Variants in SIN3A observed in about 807,000 individuals in gnomAD.
SIN3A encodes paired amphipathic helix protein Sin3a.
In SIN3A, 14 loss-of-function variants were observed where a neutral mutation model predicts 146.1. That is an observed-to-expected ratio of 0.10 (90% CI 0.06 to 0.15). The LOEUF is 0.15. Ranked by LOEUF, SIN3A falls within the 10% of genes least tolerant of loss-of-function variation. The pLI is 1.00. For synonymous variants in SIN3A, 572 were observed against 572.0 expected (o/e 1.00, Z 0.00); for missense variants, 1,028 against 1,576.0 (o/e 0.65, Z 5.89).
At chr15:75,433,854 G>A (rs573142380) in intron 1 of SIN3A, among the ~76,000 whole-genome samples, 11 of 152,194 alleles carry the variant, frequency 7.2e-5, no homozygotes, top group Non-Finnish European at 1.3e-4. Flanking sequence ...ACCACTCAAA[G>A]TTCTATTCCT....
At chr15:75,378,720 A>G (rs766130023) in intron 19 of SIN3A, among the ~76,000 whole-genome samples, 5 of 152,128 alleles carry the variant, frequency 3.3e-5, no homozygotes, top group Non-Finnish European at 7.3e-5. Context: ...AACAACATAC[A>G]TAATGCAACA....
At chr15:75,404,450 G>A (rs1284941505) in intron 9 of SIN3A, among the ~76,000 whole-genome samples, 1 of 152,120 alleles carries the variant, frequency 6.6e-6, no homozygotes, top group South Asian at 2.1e-4. Flanking sequence ...ATATGTTTAA[G>A]AAAAAGTACT....
intron 1 of SIN3A, among the ~76,000 whole-genome samples, chr15:75,450,768 G>A (rs901032958): frequency 6.6e-6 from 1 of 152,212 alleles, no homozygotes; most frequent in Non-Finnish European, 1.5e-5. Flanking sequence ...TCCCCACGGA[G>A]ACATAGGGCG....
intron 1 of SIN3A, among the ~76,000 whole-genome samples, chr15:75,444,791 GT>G (rs2074276269): frequency 6.6e-6 from 1 of 152,198 alleles, no homozygotes; most frequent in Non-Finnish European, 1.5e-5. Flanking sequence ...TGTTATCAAT[GT>G]TGATTTTCTG....
chr15:75,399,878 T>A (rs1398751723), intron 12 of SIN3A, among the ~76,000 whole-genome samples, 162 bp downstream of exon 12: 1 of 152,234 alleles, frequency 6.6e-6, no homozygotes. Flanking sequence ...ATATATACAT[T>A]TGACCAATGC....
At chr15:75,448,199 A>AG (rs1030842370) in intron 1 of SIN3A, 14 of 151,326 alleles carry the variant, frequency 9.3e-5, no homozygotes, top group Admixed American at 8.0e-4. Flanking sequence ...AAAAGACATG[A>AG]GAAAAAAAGA....
At chr15:75,374,719 C>G (rs1001737325) in intron 20 of SIN3A, among the ~76,000 whole-genome samples, 1 of 152,206 alleles carries the variant, frequency 6.6e-6, no homozygotes, top group African/African-American at 2.4e-5. Flanking sequence ...CAGCCTTGTA[C>G]TAGCTCTTTT....
chr15:75,391,587 C>CT (rs2073202455), intron 15 of SIN3A, among the ~76,000 whole-genome samples: 1 of 151,802 alleles, frequency 6.6e-6, no homozygotes, highest in Admixed American at 6.6e-5. Context: ...CATGAAAAAG[C>CT]TTTTGGCTCA....
At chr15:75,435,495 C>T (rs951299046) in intron 1 of SIN3A, among the ~76,000 whole-genome samples, 1 of 152,182 alleles carries the variant, frequency 6.6e-6, no homozygotes, top group African/African-American at 2.4e-5. Flanking sequence ...TTTGGGAGTT[C>T]GAGACCAACC....
At position 75,371,947 on chromosome 15, in the gene SIN3A, C is replaced by T. The variant is rs964054392; in HGVS notation, c.*32G>A. Reference sequence around the variant, plus strand: ...ATAGGCCCACACACACATCCCCACACACACCCCAAGTTATCTGCTCTGGCT... The same window carrying T: ...ATAGGCCCACACACACATCCCCACATACACCCCAAGTTATCTGCTCTGGCT... On this transcript the variant is annotated 3_prime_UTR_variant, in exon 21 of 21. Coordinates refer to ENST00000394947, the MANE Select transcript of SIN3A (RefSeq NM_001145358.2). 2 of 1,594,354 alleles carry T rather than the reference C, an allele frequency of 1.3e-6. No homozygotes were observed. Among genetic ancestry groups the T allele is most frequent in the African/African-American group, 1.3e-5 (1 of 74,616 alleles).
chr15:75,396,600 T>C, intron 12 of SIN3A, 104 bp from the exon 13 acceptor site: 1 of 804,922 alleles, frequency 1.2e-6, no homozygotes, highest in Non-Finnish European at 2.0e-6. Flanking sequence ...TGGATTTGAA[T>C]CCTGGTTCTG....
intron 1 of SIN3A, among the ~76,000 whole-genome samples, chr15:75,436,146 AAAAAAAC>A (rs1446040636): frequency 3.3e-5 from 5 of 151,846 alleles, no homozygotes; most frequent in Admixed American, 6.6e-5. Flanking sequence ...AAAAAAAACA[AAAAAAAC>A]AAAAAAGAAA....
intron 16 of SIN3A, among the ~76,000 whole-genome samples, chr15:75,389,420 C>T (rs886306387): frequency 2.6e-5 from 4 of 152,098 alleles, no homozygotes; most frequent in African/African-American, 9.7e-5. Context: ...GGGTCAGGAC[C>T]ACTGCACTCT....
In SIN3A at chr15:75,400,172, G is replaced by A. The variant is rs750829100; in HGVS notation, c.1738-16C>T. ...CATTTAAAACCTTTGGGTAGAAGAA[G>A]AGAGACTGAAACAAAAGCCTAAAAA... On this transcript the variant is annotated splice_polypyrimidine_tract_variant and intron_variant, in intron 11 of 20. Coordinates refer to ENST00000394947, the MANE Select transcript of SIN3A (RefSeq NM_001145358.2). 1.4e-6 allele frequency: 2 copies of A among 1,427,610 alleles called. No homozygotes were observed. Among genetic ancestry groups the A allele is most frequent in the African/African-American group, 2.8e-5 (2 of 70,656 alleles). 88.4% of individuals were successfully genotyped at this position (1,427,610 alleles called of 1,614,324 possible). A position where few individuals can be genotyped will look rare whatever the true frequency, so the allele number is the denominator to read the frequency against.
chr15:75,425,413 C>G lies in SIN3A; in HGVS notation c.190-2590G>C, dbSNP rs138019263. Among the ~76,000 whole-genome samples the G allele has an allele frequency of 1.2e-3, 189 of 152,346 alleles. 1 individual carries two copies. Among genetic ancestry groups the G allele is most frequent in the African/African-American group, 4.4e-3 (181 of 41,580 alleles). Reference sequence around the variant, plus strand: ...GAACTCCTGACCTCAAATGATCCACCCGTCTTGGGCTCCCAAAGTGCTGGG... The same window carrying G: ...GAACTCCTGACCTCAAATGATCCACGCGTCTTGGGCTCCCAAAGTGCTGGG... On this transcript the variant is annotated intron_variant, in intron 2 of 20. Coordinates refer to ENST00000394947, the MANE Select transcript of SIN3A (RefSeq NM_001145358.2).
Position 75,430,844 on chromosome 15 carries a change from C to T in SIN3A, c.-33-436G>A, listed in dbSNP as rs1243435544. On this transcript the variant is annotated intron_variant, in intron 1 of 20. Coordinates refer to ENST00000394947, the MANE Select transcript of SIN3A (RefSeq NM_001145358.2). ...CAGGCTGAGTGCAGTGGTGCCATCTCGGCTCACTGCAAGATCCACCTCCCG... is the reference window on the plus strand; with the variant it reads ...CAGGCTGAGTGCAGTGGTGCCATCTTGGCTCACTGCAAGATCCACCTCCCG... Among the ~76,000 whole-genome samples, 6 of 151,716 alleles carry T rather than the reference C, an allele frequency of 4.0e-5. No homozygotes were observed. The East Asian group carries it at 9.7e-4, about 25-fold the overall frequency.
At chr15:75,455,187 C>A (rs1483340404), upstream of SIN3A, among the ~76,000 whole-genome samples, 1 of 152,040 alleles carries the variant, frequency 6.6e-6, no homozygotes, top group African/African-American at 2.4e-5. Flanking sequence ...CTCGGGGCGG[C>A]TGCCGCCCTT....
intron 1 of SIN3A, among the ~76,000 whole-genome samples, chr15:75,431,650 TAA>T (rs56930699): frequency 0.34 from 50,602 of 148,018 alleles, 9,241 homozygotes; most frequent in Middle Eastern, 0.49. Context: ...ACGGTTAAGT[TAA>T]AAAAAAAAAA....
intron 2 of SIN3A, among the ~76,000 whole-genome samples, chr15:75,423,226 T>C (rs944367486): frequency 6.6e-6 from 1 of 152,050 alleles, no homozygotes; most frequent in African/African-American, 2.4e-5. Flanking sequence ...TGCAGTGAGC[T>C]GTGATCACAC....
Sources: gnomAD v4.1 joint callset for allele counts (sites outside exome capture counted in the v4.1 genomes callset) on GRCh38, gnomAD v4.1.1 for gene constraint, MANE v1.5 for transcripts, NCBI Gene and HGNC (gene_info 2026-07-23, HGNC 2026-07-21) for gene names.